Variants in AP1G1 observed in about 807,000 individuals in gnomAD.
AP1G1 encodes the protein AP-1 complex subunit gamma-1.
AP1G1 carries 7 observed loss-of-function variants against 108.3 expected under a neutral mutation model. That is an observed-to-expected ratio of 0.06 (90% CI 0.04 to 0.12). The LOEUF (loss-of-function observed/expected upper bound fraction) is 0.12. Ranked by LOEUF, AP1G1 falls within the 10% of genes least tolerant of loss-of-function variation. The probability of loss-of-function intolerance (pLI) is 1.00; values close to 1 mark genes in which losing one functional copy is unlikely to be tolerated. For synonymous variants in AP1G1, 379 were observed against 353.5 expected (o/e 1.07, Z -0.81); for missense variants, 756 against 1,010.7 (o/e 0.75, Z 3.42).
At position 71,759,066 on chromosome 16, in the gene AP1G1, T is replaced by C. The variant is rs2030947396; in HGVS notation, c.975-145A>G. The stretch of plus-strand genomic sequence containing the variant: ...AAAAGAAAGTTAGTGAACATAAAAG[T>C]AACATTTCAAAGGTATAAGCGATAC... On this transcript the variant is annotated intron_variant, in intron 10 of 22. Coordinates refer to ENST00000299980, the MANE Select transcript of AP1G1 (RefSeq NM_001128.6). 11 of 603,772 alleles carry C rather than the reference T, an allele frequency of 1.8e-5. No individual in the cohort carries two copies. The East Asian group carries it at 3.3e-4, about 18-fold the overall frequency. 37.4% of individuals were successfully genotyped at this position (603,772 alleles called of 1,614,324 possible).
At chr16:71,758,622 G>T in intron 11 of AP1G1, 186 bp downstream of exon 11, 1 of 601,700 alleles carries the variant, frequency 1.7e-6, no homozygotes, top group Non-Finnish European at 3.0e-6. Flanking sequence ...ACTTCTCCCT[G>T]CCAATCCTTT....
intron 16 of AP1G1, chr16:71,746,940 A>G (rs1597041823): frequency 3.2e-6 from 1 of 316,036 alleles, no homozygotes; most frequent in East Asian, 6.4e-5. Flanking sequence ...AGCAACAATG[A>G]TGGTGTGGAA....
chr16:71,798,757 G>A (rs1328386308), intron 1 of AP1G1, among the ~76,000 whole-genome samples: 6 of 151,618 alleles, frequency 4.0e-5, no homozygotes, highest in Admixed American at 2.0e-4. Context: ...GCATGGTGGC[G>A]GGCACCTGTA....
At chr16:71,793,841 C>G (rs2032488275) in intron 1 of AP1G1, among the ~76,000 whole-genome samples, 1 of 152,166 alleles carries the variant, frequency 6.6e-6, no homozygotes, top group Admixed American at 6.5e-5. Flanking sequence ...CCCCAAGTAG[C>G]TGGGACTACA....
intron 2 of AP1G1, among the ~76,000 whole-genome samples, chr16:71,778,738 T>C (rs1221937024): frequency 2.0e-5 from 3 of 146,380 alleles, no homozygotes; most frequent in South Asian, 4.4e-4. Flanking sequence ...AGTTATCAAA[T>C]GTTGAAAAAG....
At chr16:71,739,548 A>G (rs1191159980) in intron 19 of AP1G1, among the ~76,000 whole-genome samples, 1 of 152,102 alleles carries the variant, frequency 6.6e-6, no homozygotes, top group East Asian at 1.9e-4. Flanking sequence ...TGTAAGAAAA[A>G]GTACAGTCTG....
At chr16:71,802,819 C>A (rs1240331019) in intron 1 of AP1G1, among the ~76,000 whole-genome samples, 1 of 152,084 alleles carries the variant, frequency 6.6e-6, no homozygotes, top group Non-Finnish European at 1.5e-5. Flanking sequence ...GACTTGGCTT[C>A]CCAAAGTACT....
At chr16:71,804,470 G>A (rs865927409) in intron 1 of AP1G1, among the ~76,000 whole-genome samples, 16 of 149,060 alleles carry the variant, frequency 1.1e-4, no homozygotes, top group Admixed American at 4.0e-4. Flanking sequence ...GTGCAGTGGC[G>A]TGATCTCAGC....
intron 1 of AP1G1, among the ~76,000 whole-genome samples, chr16:71,802,012 C>T (rs373091213): frequency 4.6e-5 from 7 of 150,790 alleles, no homozygotes; most frequent in South Asian, 2.1e-4. Flanking sequence ...AGTGGTGTAA[C>T]GCAAATATTC....
At position 71,748,155 on chromosome 16, in the gene AP1G1, A is replaced by G. The variant is rs1012766023; in HGVS notation, c.1625+96T>C. The G allele has an allele frequency of 3.1e-6, 4 of 1,311,188 alleles. No homozygotes were observed. In the Admixed American group the frequency reaches 7.3e-5, roughly 24 times the overall value. The allele number at this position is 1,311,188 out of a possible 1,614,324, so 81.2% of individuals were successfully genotyped here. A position where few individuals can be genotyped will look rare whatever the true frequency, so the allele number is the denominator to read the frequency against. ...GTTATTATTCTCTCTACTTTTGTCTATGCTTGAAATTTTCCATGATAACAA... is the reference window on the plus strand; with the variant it reads ...GTTATTATTCTCTCTACTTTTGTCTGTGCTTGAAATTTTCCATGATAACAA... On this transcript the variant is annotated intron_variant, in intron 16 of 22. Coordinates refer to ENST00000299980, the MANE Select transcript of AP1G1 (RefSeq NM_001128.6).
intron 22 of AP1G1, among the ~76,000 whole-genome samples, chr16:71,734,275 A>G (rs2045506304): frequency 6.6e-6 from 1 of 152,246 alleles, no homozygotes; most frequent in African/African-American, 2.4e-5. Flanking sequence ...TAACTGTAGC[A>G]GTAAATGTAG....
intron 1 of AP1G1, 181 bp downstream of exon 1, chr16:71,808,582 G>C (rs761445510): frequency 7.8e-7 from 1 of 1,289,354 alleles, no homozygotes; most frequent in South Asian, 1.2e-5. Context: ...CGGCCCTCCA[G>C]AAGTCGGAGC....
chr16:71,789,878 T>G (rs1308024621), intron 1 of AP1G1, among the ~76,000 whole-genome samples: 1 of 152,176 alleles, frequency 6.6e-6, no homozygotes, highest in Non-Finnish European at 1.5e-5. Context: ...TCAACTGCTG[T>G]TAAACATAAC....
At chr16:71,808,574 G>GC (rs1210249955) in intron 1 of AP1G1, 189 bp downstream of exon 1, 3 of 1,289,068 alleles carry the variant, frequency 2.3e-6, no homozygotes, top group Non-Finnish European at 3.0e-6. Context: ...CTCGGGGTCG[G>GC]CCCTCCAGAA....
chr16:71,739,481 A>T (rs887231609), intron 19 of AP1G1, 140 bp from the exon 20 acceptor site: 1 of 627,130 alleles, frequency 1.6e-6, no homozygotes, highest in Non-Finnish European at 2.7e-6. Context: ...CCACAAAGAG[A>T]AAGAACTAAA....
intron 1 of AP1G1, among the ~76,000 whole-genome samples, chr16:71,801,118 C>A (rs2032781466): frequency 6.6e-6 from 1 of 151,980 alleles, no homozygotes; most frequent in African/African-American, 2.4e-5. Flanking sequence ...ACCAGCCAGG[C>A]CAACATGGCG....
intron 1 of AP1G1, among the ~76,000 whole-genome samples, chr16:71,794,586 G>A (rs1403329036): frequency 2.0e-5 from 3 of 151,902 alleles, no homozygotes; most frequent in African/African-American, 7.3e-5. Context: ...ATCCAAAATG[G>A]TTAAGCAAAA....
chr16:71,745,808 A>C (rs1484402385), intron 17 of AP1G1, among the ~76,000 whole-genome samples, 194 bp from the exon 18 acceptor site: 1 of 150,912 alleles, frequency 6.6e-6, no homozygotes, highest in Non-Finnish European at 1.5e-5. Context: ...CAGACAAAAA[A>C]ATCTTGAATA....
At chr16:71,800,597 G>A (rs182000220) in intron 1 of AP1G1, among the ~76,000 whole-genome samples, 2 of 150,792 alleles carry the variant, frequency 1.3e-5, no homozygotes, top group African/African-American at 2.5e-5. Flanking sequence ...GTCAGGAGAT[G>A]GAGACCATCC....
Sources: gnomAD v4.1 joint callset for allele counts (sites outside exome capture counted in the v4.1 genomes callset) on GRCh38, gnomAD v4.1.1 for gene constraint, MANE v1.5 for transcripts, NCBI Gene and HGNC (gene_info 2026-07-23, HGNC 2026-07-21) for gene names.